DPYSL2: variants seen among roughly 807,000 people sequenced by gnomAD.
The protein encoded by DPYSL2 is dihydropyrimidinase like 2, also known as dihydropyrimidinase-related protein 2.
DPYSL2 carries 13 observed loss-of-function variants against 69.9 expected under a neutral mutation model. That is an observed-to-expected ratio of 0.19 (90% CI 0.12 to 0.30). The LOEUF is 0.30. DPYSL2 is among the 10% of genes least tolerant of loss of function. DPYSL2 has a pLI of 1.00. For missense variants in DPYSL2, 587 were observed against 918.9 expected (o/e 0.64, Z 4.67); for synonymous variants, 326 against 359.1 (o/e 0.91, Z 1.04).
At chr8:26,622,357 A>G (rs956540805) in intron 3 of DPYSL2, among the ~76,000 whole-genome samples, 31 of 151,982 alleles carry the variant, frequency 2.0e-4, no homozygotes, top group African/African-American at 7.3e-4. Flanking sequence ...CAGATACCAG[A>G]TATGTGTGTA....
At position 26,580,136 on chromosome 8, in the gene DPYSL2, G is replaced by C; in HGVS notation, c.355-1833G>C. On this transcript the variant is annotated intron_variant, in intron 1 of 13. Transcript: ENST00000521913. This position sits in a 1 kb window ranked among gnomAD's most constrained non-coding sequence, Gnocchi z 4.1. The stretch of plus-strand genomic sequence containing the variant: ...CATCATGTTGGCTCGGGATATTCGC[G>C]GTGATGGCTGGGGCAGGTACCACAG... 6.6e-6 allele frequency among the ~76,000 whole-genome samples: 1 copy of C among 152,094 alleles called. No homozygotes were observed. Among genetic ancestry groups the C allele is most frequent in the East Asian group, 1.9e-4 (1 of 5,162 alleles).
chr8:26,615,112 C>G (rs1011961489), intron 3 of DPYSL2, among the ~76,000 whole-genome samples: 1 of 152,132 alleles, frequency 6.6e-6, no homozygotes, highest in Non-Finnish European at 1.5e-5. Context: ...GGCCCTCTGC[C>G]TGGCACATTT....
intron 1 of DPYSL2, among the ~76,000 whole-genome samples, chr8:26,561,763 C>T (rs988919451): frequency 1.3e-5 from 2 of 152,126 alleles, no homozygotes; most frequent in Non-Finnish European, 2.9e-5. Context: ...CAACCTATAT[C>T]CCTCCCATGT....
At chr8:26,581,742 A>C (rs1801498023) in intron 1 of DPYSL2, among the ~76,000 whole-genome samples, 1 of 152,064 alleles carries the variant, frequency 6.6e-6, no homozygotes, top group Non-Finnish European at 1.5e-5. Flanking sequence ...TCTAATTGAA[A>C]GAGATGGTTC....
chr8:26,557,954 A>G (rs1585508183), intron 1 of DPYSL2, among the ~76,000 whole-genome samples: 2 of 151,760 alleles, frequency 1.3e-5, no homozygotes, highest in Non-Finnish European at 2.9e-5. Context: ...AATGCTTGTG[A>G]GGATGTGGAG....
At chr8:26,524,540 G>A (rs1360229146) in intron 1 of DPYSL2, among the ~76,000 whole-genome samples, 1 of 152,052 alleles carries the variant, frequency 6.6e-6, no homozygotes, top group Non-Finnish European at 1.5e-5. Flanking sequence ...GCTCATGCCT[G>A]TAATCTCAGC....
Position 26,643,620 on chromosome 8 carries a change from C to T in DPYSL2, c.1283+25C>T, listed in dbSNP as rs774770456. 1 of 1,614,198 alleles carries T rather than the reference C, an allele frequency of 6.2e-7. No homozygotes were observed. The highest frequency in any genetic ancestry group is 1.1e-5 in the South Asian group (1 of 91,082). On this transcript the variant is annotated intron_variant, in intron 9 of 13. Transcript: ENST00000521913. This position sits in a 1 kb window ranked among gnomAD's most constrained non-coding sequence, Gnocchi z 6.5. ...GGTGAGTCCTGGCGACTTGTTCACA[C>T]TTCACATTCTGTCTTTCTTCAGACC...
intron 3 of DPYSL2, among the ~76,000 whole-genome samples, chr8:26,602,473 T>A (rs553073275): frequency 9.1e-4 from 139 of 152,246 alleles, no homozygotes; most frequent in African/African-American, 3.2e-3. Context: ...GAGAGTATTA[T>A]GCTAGACACC....
chr8:26,653,485 G>T lies in DPYSL2; in HGVS notation c.1942+88G>T, dbSNP rs1214486717. On this transcript the variant is annotated intron_variant, in intron 13 of 13. Coordinates refer to ENST00000521913, the MANE Select transcript of DPYSL2 (RefSeq NM_001197293.3). The surrounding 1 kb of genome is among the most constrained non-coding windows in gnomAD (Gnocchi z 5.7). ...TACAGTTGCATTTGGAAAGGACACA[G>T]AAATAGAAGTGAATGATATTCCCTT... The T allele has an allele frequency of 5.2e-6, 7 of 1,345,232 alleles. No homozygotes were observed. The highest frequency in any genetic ancestry group is 1.5e-5 in the African/African-American group (1 of 68,532). The allele number at this position is 1,345,232 out of a possible 1,614,324, so 83.3% of individuals were successfully genotyped here.
At chr8:26,577,075 T>G (rs1351167340) in intron 1 of DPYSL2, 2 of 430,984 alleles carry the variant, frequency 4.6e-6, no homozygotes, top group African/African-American at 2.1e-5. Flanking sequence ...AAAGGATGTT[T>G]CAGGGCGGGG....
At chr8:26,606,420 G>A (rs1174162459) in intron 3 of DPYSL2, among the ~76,000 whole-genome samples, 1 of 152,078 alleles carries the variant, frequency 6.6e-6, no homozygotes, top group East Asian at 1.9e-4. Context: ...GGAGATGCTT[G>A]ACTACATAGT....
chr8:26,568,343 C>T (rs1042714781), intron 1 of DPYSL2, among the ~76,000 whole-genome samples: 3 of 152,170 alleles, frequency 2.0e-5, no homozygotes, highest in Non-Finnish European at 4.4e-5. Flanking sequence ...TCTCTTTCTA[C>T]AGCGTTGTAC....
intron 1 of DPYSL2, among the ~76,000 whole-genome samples, chr8:26,527,595 C>T (rs995445047): frequency 6.6e-6 from 1 of 152,082 alleles, no homozygotes; most frequent in Admixed American, 6.6e-5. Context: ...TGGGTTTTTA[C>T]ACGCACATTT....
At position 26,514,366 on chromosome 8, in the gene DPYSL2, A is replaced by G. The variant is rs1169708362; in HGVS notation, c.41A>G (p.Glu14Gly). 1.0e-5 allele frequency: 15 copies of G among 1,504,230 alleles called. No homozygotes were observed. Among genetic ancestry groups the G allele is most frequent in the Middle Eastern group, 1.7e-4 (1 of 5,870 alleles). The allele number at this position is 1,504,230 out of a possible 1,614,324, so 93.2% of individuals were successfully genotyped here. The change falls in exon 1 of 14, where the codon GAA becomes GGA. Residue 14 changes from glutamate (E) to glycine (G), a missense_variant. Transcript: ENST00000521913. This position sits in a 1 kb window ranked among gnomAD's most constrained non-coding sequence, Gnocchi z 8.4. ...RKQSGKAAED[E>G]EVPAFFKNLG... is the part of the protein sequence containing the mutation. ...CAATCCGGGAAGGCGGCAGAGGACG[A>G]AGAGGTCCCTGCTTTTTTTAAAAAC...
At chr8:26,567,749 A>G (rs993678348) in intron 1 of DPYSL2, among the ~76,000 whole-genome samples, 1 of 152,186 alleles carries the variant, frequency 6.6e-6, no homozygotes, top group Non-Finnish European at 1.5e-5. Context: ...TGGAGCTGCA[A>G]ACAGCCCGGC....
rs183815384 is a variant in DPYSL2, at chr8:26,547,996, C to T, written c.354+33317C>T. On this transcript the variant is annotated intron_variant, in intron 1 of 13. Coordinates refer to ENST00000521913, the MANE Select transcript of DPYSL2 (RefSeq NM_001197293.3). Reference sequence around the variant, plus strand: ...TCCCTGGCATGAGAAGGTCCTTTTCCTGTTCCCCTGGATAAGACAGAAGTC... The same window carrying T: ...TCCCTGGCATGAGAAGGTCCTTTTCTTGTTCCCCTGGATAAGACAGAAGTC... The T allele has an allele frequency of 3.0e-5, 8 of 264,228 alleles. No homozygotes were observed. In the East Asian group the frequency reaches 7.0e-4, roughly 23 times the overall value. 16.4% of individuals were successfully genotyped at this position (264,228 alleles called of 1,614,324 possible).
Position 26,598,811 on chromosome 8 carries a change from T to C in DPYSL2, c.628+14828T>C, listed in dbSNP as rs1801925058. Among the ~76,000 whole-genome samples the C allele has an allele frequency of 6.6e-6, 1 of 152,144 alleles. No individual in the cohort carries two copies. Among genetic ancestry groups the C allele is most frequent in the African/African-American group, 2.4e-5 (1 of 41,424 alleles). ...TACACCTTGTTTATTGCAATCTTTC[T>C]TTCATTTTGCAGGCGGTGGGGGTGG... On this transcript the variant is annotated intron_variant, in intron 3 of 13. Coordinates refer to ENST00000521913, the MANE Select transcript of DPYSL2 (RefSeq NM_001197293.3). The surrounding 1 kb of genome is among the most constrained non-coding windows in gnomAD (Gnocchi z 4.2).
intron 1 of DPYSL2, chr8:26,577,993 TTCTCTCTCTCTCTC>T (rs756432252): frequency 1.1e-6 from 1 of 945,708 alleles, no homozygotes; most frequent in African/African-American, 1.6e-5. Context: ...CTCTCTCTCC[TTCTCTCTCTCTCTC>T]TCTCTCTCTC....
rs1329558343 is a variant in DPYSL2, at chr8:26,591,100, AC to A, written c.628+7121del. Among the ~76,000 whole-genome samples the A allele has an allele frequency of 1.3e-5, 2 of 151,972 alleles. No individual in the cohort carries two copies. Among genetic ancestry groups the A allele is most frequent in the Non-Finnish European group, 2.9e-5 (2 of 67,992 alleles). ...TGACTCACTGGGGTGGTGATCTTCC[AC>A]CCCTTCAGGTGCCCTCATCCCAGTT... On this transcript the variant is annotated intron_variant, in intron 3 of 13. Coordinates refer to ENST00000521913, the MANE Select transcript of DPYSL2 (RefSeq NM_001197293.3). The surrounding 1 kb of genome is among the most constrained non-coding windows in gnomAD (Gnocchi z 5.8).
Sources: gnomAD v4.1 joint callset for allele counts (sites outside exome capture counted in the v4.1 genomes callset) on GRCh38, gnomAD v4.1.1 for gene constraint, Gnocchi (gnomAD v3.1) non-coding constraint, MANE v1.5 for transcripts, NCBI Gene and HGNC (gene_info 2026-07-23, HGNC 2026-07-21) for gene names.